ZFAT: variants seen among roughly 807,000 people sequenced by gnomAD.
ZFAT encodes zinc finger and AT-hook domain containing.
In ZFAT, 64 loss-of-function variants were observed where a neutral mutation model predicts 117.7. The ratio of observed to expected loss-of-function variants is 0.54; its 90% CI spans 0.44 to 0.67. The LOEUF is 0.67. Ranked by LOEUF, ZFAT falls within the 30% of genes least tolerant of loss-of-function variation. ZFAT has a pLI of 0.00. For missense variants in ZFAT, 1,433 were observed against 1,584.5 expected (o/e 0.90, Z 1.62); for synonymous variants, 679 against 615.0 (o/e 1.10, Z -1.54).
At chr8:134,784,073 G>A in the ZFAT span, 1 of 152,226 alleles carries the variant, frequency 6.6e-6, no homozygotes, top group East Asian at 1.9e-4. Flanking sequence ...GTAAACAAAG[G>A]CCTTGCATCA....
At chr8:134,505,784 G>C (rs1265914520) in intron 15 of ZFAT, among the ~76,000 whole-genome samples, 2 of 152,200 alleles carry the variant, frequency 1.3e-5, no homozygotes, top group Non-Finnish European at 2.9e-5. Flanking sequence ...CTTGAGTTTA[G>C]CACAGGAAGC....
At chr8:134,624,816 T>C (rs149888287) in intron 3 of ZFAT, among the ~76,000 whole-genome samples, 41 of 152,204 alleles carry the variant, frequency 2.7e-4, no homozygotes, top group African/African-American at 8.7e-4. Flanking sequence ...AACTAAAGAG[T>C]TTAATGTAAA....
intron 15 of ZFAT, among the ~76,000 whole-genome samples, chr8:134,488,553 T>A (rs1817817808): frequency 6.6e-6 from 1 of 152,256 alleles, no homozygotes. Context: ...ACATCTCTCA[T>A]GTGTTCAATT....
intron 3 of ZFAT, among the ~76,000 whole-genome samples, chr8:134,614,371 G>A (rs142799456): frequency 5.9e-5 from 9 of 151,934 alleles, no homozygotes; most frequent in Admixed American, 2.6e-4. Context: ...ATTGCACAAC[G>A]TCCTGATCCA....
At chr8:134,729,870 C>T in the ZFAT span, among the ~76,000 whole-genome samples, 2 of 152,174 alleles carry the variant, frequency 1.3e-5, no homozygotes, top group Admixed American at 6.5e-5. Context: ...CTTGTCCTGA[C>T]GCTTACATGA....
chr8:134,566,255 G>GT (rs1408098605), intron 10 of ZFAT, among the ~76,000 whole-genome samples: 1 of 151,974 alleles, frequency 6.6e-6, no homozygotes, highest in East Asian at 1.9e-4. Flanking sequence ...TTAGCCAGGC[G>GT]CAGTCGCGGG....
chr8:134,782,679 T>C, the ZFAT span, among the ~76,000 whole-genome samples: 1 of 152,136 alleles, frequency 6.6e-6, no homozygotes, highest in East Asian at 1.9e-4. Flanking sequence ...CCCCTTTGCT[T>C]GATTTTCATT....
the ZFAT span, among the ~76,000 whole-genome samples, chr8:134,819,483 T>C: frequency 1.5e-5 from 2 of 133,356 alleles, no homozygotes; most frequent in Admixed American, 7.7e-5. Context: ...CCATGAGAAC[T>C]GCCGGATTTA....
intron 11 of ZFAT, among the ~76,000 whole-genome samples, chr8:134,549,240 G>A (rs1822942316): frequency 6.6e-6 from 1 of 152,118 alleles, no homozygotes; most frequent in Non-Finnish European, 1.5e-5. Context: ...AAGAGATCGA[G>A]ACCATCCTGG....
At chr8:134,566,116 C>T (rs544856368) in intron 10 of ZFAT, among the ~76,000 whole-genome samples, 5 of 152,152 alleles carry the variant, frequency 3.3e-5, no homozygotes, top group Admixed American at 6.5e-5. Flanking sequence ...GGTTTTAGGC[C>T]GGGCGCGGTG....
chr8:134,809,848 C>A, the ZFAT span, among the ~76,000 whole-genome samples: 1 of 152,032 alleles, frequency 6.6e-6, no homozygotes, highest in South Asian at 2.1e-4. Flanking sequence ...TAATTGAAAC[C>A]GACAGTGAGT....
At chr8:134,616,691 C>T (rs1003197612) in intron 3 of ZFAT, among the ~76,000 whole-genome samples, 41 of 152,324 alleles carry the variant, frequency 2.7e-4, no homozygotes, top group African/African-American at 9.1e-4. Context: ...CTCCCTCTTG[C>T]GCATGGCTGC....
rs535391340 is a variant in ZFAT, at chr8:134,528,066, ACCACGCCTCTT to A, written c.3115+4757_3115+4767del. Among the ~76,000 whole-genome samples the A allele has an allele frequency of 4.9e-3, 746 of 152,324 alleles. 7 individuals carry two copies. Among genetic ancestry groups the A allele is most frequent in the Admixed American group, 9.4e-3 (144 of 15,308 alleles). On this transcript the variant is annotated intron_variant, in intron 12 of 15. Transcript: ENST00000377838. ...ATGTGGCCCAATTGCTTAAGAGATG[ACCACGCCTCTT>A]CCTTCTCCTCCTCTTTCTCCTCCTC...
chr8:134,607,827 A>G (rs1828009308), intron 5 of ZFAT, among the ~76,000 whole-genome samples: 1 of 152,254 alleles, frequency 6.6e-6, no homozygotes, highest in Non-Finnish European at 1.5e-5. Flanking sequence ...GGCTAAAGAC[A>G]GACAATTTGG....
chr8:134,639,976 A>T (rs1365897312), intron 2 of ZFAT: 1 of 352,852 alleles, frequency 2.8e-6, no homozygotes, highest in Non-Finnish European at 5.5e-6. Context: ...GGCTACAGGG[A>T]GGTGATTTCT....
At chr8:134,688,174 C>A (rs1458242456) in intron 1 of ZFAT, among the ~76,000 whole-genome samples, 1 of 152,128 alleles carries the variant, frequency 6.6e-6, no homozygotes, top group Non-Finnish European at 1.5e-5. Flanking sequence ...AAGATGGTGT[C>A]GATGCTGAAG....
chr8:134,717,379 T>G (rs1306910736), upstream of ZFAT, among the ~76,000 whole-genome samples: 3 of 149,208 alleles, frequency 2.0e-5, no homozygotes, highest in Non-Finnish European at 4.4e-5. Flanking sequence ...CATCTTTCTC[T>G]CTGTGGTCCA....
intron 15 of ZFAT, among the ~76,000 whole-genome samples, chr8:134,501,462 A>G (rs977472589): frequency 1.3e-5 from 2 of 152,224 alleles, no homozygotes; most frequent in Non-Finnish European, 2.9e-5. Flanking sequence ...TTCTTTTACA[A>G]TTATACATAC....
chr8:134,551,784 C>T (rs1300507002), intron 11 of ZFAT, among the ~76,000 whole-genome samples: 1 of 152,206 alleles, frequency 6.6e-6, no homozygotes, highest in East Asian at 1.9e-4. Context: ...ACCCAAGCCC[C>T]TTATACATTC....
Sources: allele counts gnomAD v4.1 joint callset (sites outside exome capture counted in the v4.1 genomes callset), GRCh38; gene constraint gnomAD v4.1.1; transcripts MANE v1.5; gene names NCBI Gene and HGNC (gene_info 2026-07-23, HGNC 2026-07-21).